KCNN3: variants seen among roughly 807,000 people sequenced by gnomAD.
The protein encoded by KCNN3 is small conductance calcium-activated potassium channel protein 3.
A neutral mutation model predicts 62.9 loss-of-function variants in KCNN3; 16 were observed. The observed-to-expected ratio is 0.25, with a 90% CI of 0.17 to 0.39. The LOEUF is 0.39. Among genes scored for constraint, KCNN3 ranks in the 10% least tolerant of loss-of-function variants. KCNN3 has a pLI of 1.00. For synonymous variants in KCNN3, 370 were observed against 389.2 expected (o/e 0.95, Z 0.58); for missense variants, 599 against 949.4 (o/e 0.63, Z 4.85).
intron 2 of KCNN3, among the ~76,000 whole-genome samples, chr1:154,804,956 C>A (rs1053783565): frequency 6.6e-6 from 1 of 152,182 alleles, no homozygotes; most frequent in Non-Finnish European, 1.5e-5. Context: ...TAGTGAATTA[C>A]ATTTTCAAGG....
chr1:154,734,362 C>A (rs1035253161), intron 3 of KCNN3, among the ~76,000 whole-genome samples: 5 of 152,196 alleles, frequency 3.3e-5, no homozygotes, highest in Admixed American at 6.5e-5. Flanking sequence ...GAGACCAAAC[C>A]TACTAGGCTG....
Position 154,869,457 on chromosome 1 carries a change from A to AGGGGTT in KCNN3, c.502_507dup (p.Asn168_Pro169dup), listed in dbSNP as rs1224562601. 4 of 1,613,988 alleles carry AGGGGTT rather than the reference A, an allele frequency of 2.5e-6. No homozygotes were observed. The highest frequency in any genetic ancestry group is 3.4e-6 in the Non-Finnish European group (4 of 1,179,978). ...CAGGAGCTCATGGCGATCTCCGTGAAGGGGTTGCTGTCCCGCCGGTGCACC... is the reference window on the plus strand; with the variant it reads ...CAGGAGCTCATGGCGATCTCCGTGAAGGGGTTGGGGTTGCTGTCCCGCCGGTGCACC... On this transcript the variant is annotated inframe_insertion, in exon 1 of 8. Transcript: ENST00000271915. This position sits in a 1 kb window ranked among gnomAD's most constrained non-coding sequence, Gnocchi z 6.1.
At chr1:154,867,705 C>T (rs1234302928) in intron 1 of KCNN3, among the ~76,000 whole-genome samples, 16 of 150,144 alleles carry the variant, frequency 1.1e-4, no homozygotes, top group Non-Finnish European at 5.9e-5. Flanking sequence ...TACCCGATGG[C>T]CAGCCCGCCC....
chr1:154,837,012 A>G (rs921267251), intron 1 of KCNN3, among the ~76,000 whole-genome samples: 2 of 152,076 alleles, frequency 1.3e-5, no homozygotes, highest in Non-Finnish European at 2.9e-5. Context: ...GGGGAACAAC[A>G]CTTCCAATTG....
intron 3 of KCNN3, among the ~76,000 whole-genome samples, chr1:154,770,344 C>T (rs961415696): frequency 2.6e-5 from 4 of 152,184 alleles, no homozygotes; most frequent in African/African-American, 9.7e-5. Flanking sequence ...TTGGCCAAAA[C>T]GCTGAAAGAA....
chr1:154,713,643 G>A (rs1700123127), intron 6 of KCNN3, 110 bp from the exon 7 acceptor site: 2 of 857,692 alleles, frequency 2.3e-6, no homozygotes, highest in South Asian at 1.4e-5. Context: ...ACCCAGCATG[G>A]GGACCGTGAA....
rs1699886007 is a variant in KCNN3, at chr1:154,702,885, C to A, written c.*5091G>T. 1 of 151,132 alleles carries A rather than the reference C, an allele frequency of 6.6e-6. No individual in the cohort carries two copies. The highest frequency in any genetic ancestry group is 1.5e-5 in the Non-Finnish European group (1 of 67,844). The allele number at this position is 151,132 out of a possible 1,614,324, so 9.4% of individuals were successfully genotyped here. On this transcript the variant is annotated 3_prime_UTR_variant, in exon 8 of 8. Coordinates refer to ENST00000271915, the MANE Select transcript of KCNN3 (RefSeq NM_002249.6). The stretch of plus-strand genomic sequence containing the variant: ...CTTTTGCTTGTTTCAACACATAGCC[C>A]AGGCCCAAGATTACAGCTTCCAGGA...
chr1:154,772,535 G>A lies in KCNN3; in HGVS notation c.1030-142C>T. ...CCTCAGCATGCTCTTTAGGGGCCTT[G>A]CTATGTGGCAAGAGCCCTGTATGTG... On this transcript the variant is annotated intron_variant, in intron 2 of 7. Transcript: ENST00000271915. This position sits in a 1 kb window ranked among gnomAD's most constrained non-coding sequence, Gnocchi z 5.6. The A allele has an allele frequency of 1.3e-6, 1 of 773,986 alleles. No homozygotes were observed. The highest frequency in any genetic ancestry group is 2.2e-6 in the Non-Finnish European group (1 of 451,868). The allele number at this position is 773,986 out of a possible 1,614,324, so 47.9% of individuals were successfully genotyped here.
At chr1:154,846,173 C>T (rs975199755) in intron 1 of KCNN3, among the ~76,000 whole-genome samples, 3 of 152,170 alleles carry the variant, frequency 2.0e-5, no homozygotes, top group Non-Finnish European at 4.4e-5. Context: ...TTCCTGACCA[C>T]GTCTAAAGGG....
chr1:154,801,925 A>T (rs1649971863), intron 2 of KCNN3, among the ~76,000 whole-genome samples: 1 of 151,960 alleles, frequency 6.6e-6, no homozygotes, highest in South Asian at 2.1e-4. Flanking sequence ...GCAGCAGAAG[A>T]GGAAGGGGCC....
At position 154,697,927 on chromosome 1, in the gene KCNN3, C is replaced by T. The variant is rs1699772544; in HGVS notation, c.*10049G>A. On this transcript the variant is annotated 3_prime_UTR_variant, in exon 8 of 8. Coordinates refer to ENST00000271915, the MANE Select transcript of KCNN3 (RefSeq NM_002249.6). ...TGGAATAATGGGAATAATATGTCAT[C>T]CACCTTACAGGGTGATGACTAATAT... 1 of 152,122 alleles carries T rather than the reference C, an allele frequency of 6.6e-6. No homozygotes were observed. Among genetic ancestry groups the T allele is most frequent in the South Asian group, 2.1e-4 (1 of 4,826 alleles). 9.4% of individuals were successfully genotyped at this position (152,122 alleles called of 1,614,324 possible). A position where few individuals can be genotyped will look rare whatever the true frequency, so the allele number is the denominator to read the frequency against.
At chr1:154,744,942 T>C (rs74115856) in intron 3 of KCNN3, among the ~76,000 whole-genome samples, 3 of 140,986 alleles carry the variant, frequency 2.1e-5, no homozygotes, top group Non-Finnish European at 4.6e-5. Flanking sequence ...AAAAAAAAAA[T>C]AGTTCGTTCT....
Position 154,869,755 on chromosome 1 carries a change from C to CTGCTGCTGCTGT in KCNN3, c.209_210insACAGCAGCAGCA (p.Gln77_Gln80dup). 1 of 1,523,528 alleles carries CTGCTGCTGCTGT rather than the reference C, an allele frequency of 6.6e-7. No individual in the cohort carries two copies. 94.4% of individuals were successfully genotyped at this position (1,523,528 alleles called of 1,614,324 possible). ...GCTGCTGCTGCTGCTGCTGCTGCTG[C>CTGCTGCTGCTGT]TGCTGCTGCTGAAGCTGCGGAGGCT... is the stretch of plus-strand genomic sequence containing the variant. On this transcript the variant is annotated inframe_insertion, in exon 1 of 8. Transcript: ENST00000271915. This position sits in a 1 kb window ranked among gnomAD's most constrained non-coding sequence, Gnocchi z 6.1.
chr1:154,726,500 C>G (rs1700468465), intron 4 of KCNN3, among the ~76,000 whole-genome samples: 1 of 152,230 alleles, frequency 6.6e-6, no homozygotes, highest in Non-Finnish European at 1.5e-5. Context: ...GCAGATGGAA[C>G]ACCTGCCAGT....
chr1:154,855,218 A>AAAAT (rs57512838), intron 1 of KCNN3, among the ~76,000 whole-genome samples: 68,747 of 149,206 alleles, frequency 0.46, 17,861 homozygotes, highest in East Asian at 0.92. Context: ...ACTCTGTCTC[A>AAAAT]AAATAAATAA....
At chr1:154,832,317 C>T (rs887553510) in intron 1 of KCNN3, among the ~76,000 whole-genome samples, 11 of 151,790 alleles carry the variant, frequency 7.2e-5, no homozygotes, top group Non-Finnish European at 1.5e-4. Flanking sequence ...TTGATGAATG[C>T]GTACCTGCCA....
chr1:154,844,878 C>A (rs1450453202), intron 1 of KCNN3, among the ~76,000 whole-genome samples: 1 of 152,080 alleles, frequency 6.6e-6, no homozygotes, highest in African/African-American at 2.4e-5. Context: ...TGGTGGCGGG[C>A]ACCTGTAGTC....
At chr1:154,846,606 T>C (rs1571333806) in intron 1 of KCNN3, among the ~76,000 whole-genome samples, 1 of 152,188 alleles carries the variant, frequency 6.6e-6, no homozygotes, top group Non-Finnish European at 1.5e-5. Context: ...CGGGAGCCGA[T>C]TGCTCCCCTG....
intron 2 of KCNN3, among the ~76,000 whole-genome samples, chr1:154,780,201 T>C (rs953024600): frequency 1.4e-4 from 9 of 62,454 alleles, no homozygotes; most frequent in Admixed American, 3.0e-4. Flanking sequence ...TTTCTTTTTT[T>C]TTTTTTTTTT....
Sources: gnomAD v4.1 joint callset for allele counts (sites outside exome capture counted in the v4.1 genomes callset) on GRCh38, gnomAD v4.1.1 for gene constraint, Gnocchi (gnomAD v3.1) non-coding constraint, MANE v1.5 for transcripts, NCBI Gene and HGNC (gene_info 2026-07-23, HGNC 2026-07-21) for gene names.